The following CUEDC1 variants were observed in gnomAD, a reference collection of about 807,000 sequenced individuals.
CUEDC1 encodes CUE domain containing 1.
A neutral mutation model predicts 43.7 loss-of-function variants in CUEDC1; 30 were observed. The ratio of observed to expected loss-of-function variants is 0.69; its 90% CI spans 0.51 to 0.93. The LOEUF (loss-of-function observed/expected upper bound fraction) is 0.93, where lower values mean the gene tolerates loss of function less well. CUEDC1 is among the 40% of genes least tolerant of loss of function. CUEDC1 has a pLI of 0.00. For missense variants in CUEDC1, 486 were observed against 549.0 expected (o/e 0.89, Z 1.15); for synonymous variants, 223 against 223.6 (o/e 1.00, Z 0.02).
intron 1 of CUEDC1, among the ~76,000 whole-genome samples, chr17:57,925,242 A>T (rs915411319): frequency 6.6e-6 from 1 of 152,192 alleles, no homozygotes; most frequent in African/African-American, 2.4e-5. Flanking sequence ...ACGAGCATGT[A>T]AACTACCCAG....
At chr17:57,928,845 T>C (rs534664861) in intron 1 of CUEDC1, among the ~76,000 whole-genome samples, 1 of 151,524 alleles carries the variant, frequency 6.6e-6, no homozygotes, top group Non-Finnish European at 1.5e-5. Flanking sequence ...AGTCAGGTCC[T>C]GTGGGATTAA....
At chr17:57,877,726 A>G (rs1206958809) in intron 3 of CUEDC1, among the ~76,000 whole-genome samples, 1 of 151,664 alleles carries the variant, frequency 6.6e-6, no homozygotes. Flanking sequence ...TCTCTACTAA[A>G]ATACAAAAGT....
intron 1 of CUEDC1, among the ~76,000 whole-genome samples, chr17:57,917,047 G>A (rs568833083): frequency 2.9e-4 from 44 of 152,342 alleles, no homozygotes; most frequent in Non-Finnish European, 5.0e-4. Context: ...AAGGTGAGCA[G>A]GCTAAGCGCC....
intron 1 of CUEDC1, among the ~76,000 whole-genome samples, chr17:57,887,898 C>CTTTTTTTTTTTTTTTTTTTT (rs748886251): frequency 8.5e-6 from 1 of 118,024 alleles, no homozygotes; most frequent in Non-Finnish European, 1.8e-5. Context: ...TTCTTTTTCT[C>CTTTTTTTTTTTTTTTTTTTT]TTTTTTTTTT....
intron 1 of CUEDC1, among the ~76,000 whole-genome samples, chr17:57,928,992 G>C (rs2074777160): frequency 6.7e-6 from 1 of 148,386 alleles, no homozygotes; most frequent in Non-Finnish European, 1.5e-5. Context: ...CAAACTATCA[G>C]AAATTAGCAG....
chr17:57,884,000 A>G (rs1382272943), intron 2 of CUEDC1, among the ~76,000 whole-genome samples: 1 of 151,854 alleles, frequency 6.6e-6, no homozygotes, highest in Non-Finnish European at 1.5e-5. Flanking sequence ...AGGACTCACA[A>G]CCTCCAGCAG....
chr17:57,939,258 T>C (rs934224356), intron 1 of CUEDC1, among the ~76,000 whole-genome samples: 3 of 148,724 alleles, frequency 2.0e-5, no homozygotes, highest in Middle Eastern at 3.6e-3. Context: ...TGAGCCACCA[T>C]GCCCGGTCTA....
chr17:57,914,034 G>T (rs185150532), intron 1 of CUEDC1, among the ~76,000 whole-genome samples: 4 of 152,138 alleles, frequency 2.6e-5, no homozygotes, highest in Non-Finnish European at 5.9e-5. Context: ...ATGTTCTCAC[G>T]ATTGCCACTG....
chr17:57,896,487 G>GGGGGGGT (rs375270781), intron 1 of CUEDC1, among the ~76,000 whole-genome samples: 34 of 130,372 alleles, frequency 2.6e-4, no homozygotes, highest in South Asian at 7.5e-4. Flanking sequence ...TGCATTATGG[G>GGGGGGGT]GTGTGTGTGT....
intron 3 of CUEDC1, among the ~76,000 whole-genome samples, chr17:57,876,995 G>T (rs925225922): frequency 6.6e-6 from 1 of 152,188 alleles, no homozygotes; most frequent in African/African-American, 2.4e-5. Context: ...TGAGCCAAAG[G>T]CCACATTGCA....
At chr17:57,903,835 G>A (rs1320994050) in intron 1 of CUEDC1, among the ~76,000 whole-genome samples, 1 of 151,696 alleles carries the variant, frequency 6.6e-6, no homozygotes, top group Non-Finnish European at 1.5e-5. Context: ...ATTCAGGAGG[G>A]TGAGATGGGA....
intron 1 of CUEDC1, among the ~76,000 whole-genome samples, chr17:57,934,775 T>C (rs986709196): frequency 9.9e-5 from 15 of 152,270 alleles, no homozygotes; most frequent in Non-Finnish European, 1.9e-4. Context: ...TGGCGTGATT[T>C]CGGCTCACTG....
rs957070116 is a variant in CUEDC1, at chr17:57,918,341, T to A, written c.-315-32462A>T. Among the ~76,000 whole-genome samples the A allele has an allele frequency of 3.9e-5, 6 of 152,090 alleles. No individual in the cohort carries two copies. The East Asian group carries it at 1.2e-3, about 29-fold the overall frequency. ...CCCTCTGGGTCTGCCAGTTCTCCCC[T>A]CACCAAGGCCCTCCTAAACACTTCC... On this transcript the variant is annotated intron_variant, in intron 1 of 10. Coordinates refer to ENST00000577830, the MANE Select transcript of CUEDC1 (RefSeq NM_001271875.2).
Position 57,874,328 on chromosome 17 carries a change from C to T in CUEDC1, c.465-611G>A, listed in dbSNP as rs536743552. On this transcript the variant is annotated intron_variant, in intron 3 of 10. Transcript: ENST00000577830. ...TTCCTTATCTAGAAACTGCTGCCTCCCTGCCCAGGTGCTGGGGAGCCCCTC... is the reference window on the plus strand; with the variant it reads ...TTCCTTATCTAGAAACTGCTGCCTCTCTGCCCAGGTGCTGGGGAGCCCCTC... Among the ~76,000 whole-genome samples, 195 of 152,310 alleles carry T rather than the reference C, an allele frequency of 1.3e-3. 1 individual carries two copies. The highest frequency in any genetic ancestry group is 4.6e-3 in the African/African-American group (190 of 41,568).
chr17:57,953,863 G>A (rs1030163687), intron 1 of CUEDC1, among the ~76,000 whole-genome samples: 1 of 152,168 alleles, frequency 6.6e-6, no homozygotes, highest in African/African-American at 2.4e-5. Flanking sequence ...AGTGGACAGC[G>A]GGTTTCACAC....
chr17:57,905,291 C>CACACACACA (rs3085789), intron 1 of CUEDC1, among the ~76,000 whole-genome samples: 1 of 150,818 alleles, frequency 6.6e-6, no homozygotes, highest in Non-Finnish European at 1.5e-5. Flanking sequence ...CACACACACA[C>CACACACACA]TCCAGCCTGC....
chr17:57,874,436 G>A (rs969721493), intron 3 of CUEDC1, among the ~76,000 whole-genome samples: 1 of 152,204 alleles, frequency 6.6e-6, no homozygotes, highest in South Asian at 2.1e-4. Flanking sequence ...GGGTGCTCTG[G>A]GGCCGCTCTT....
At chr17:57,939,590 C>T (rs114556213) in intron 1 of CUEDC1, among the ~76,000 whole-genome samples, 2,101 of 152,252 alleles carry the variant, frequency 0.014, 46 homozygotes, top group African/African-American at 0.048. Context: ...TGAACAGCTT[C>T]TGGACGTGTC....
chr17:57,880,056 C>A (rs1292407390), intron 2 of CUEDC1, among the ~76,000 whole-genome samples: 4 of 152,174 alleles, frequency 2.6e-5, no homozygotes, highest in Admixed American at 2.0e-4. Flanking sequence ...TGGTAAGGGT[C>A]AGGGCGGTGT....
Sources: allele counts gnomAD v4.1 joint callset (sites outside exome capture counted in the v4.1 genomes callset), GRCh38; gene constraint gnomAD v4.1.1; transcripts MANE v1.5; gene names NCBI Gene and HGNC (gene_info 2026-07-23, HGNC 2026-07-21).